Variants in GABRB1 observed in about 807,000 individuals in gnomAD.
GABRB1 encodes gamma-aminobutyric acid receptor subunit beta-1.
Under a neutral mutation model 51.6 loss-of-function variants are expected in GABRB1, and 17 were observed. That is an observed-to-expected ratio of 0.33 (90% CI 0.23 to 0.49). The LOEUF (loss-of-function observed/expected upper bound fraction) is 0.49, where lower values mean the gene tolerates loss of function less well. Ranked by LOEUF, GABRB1 falls within the 20% of genes least tolerant of loss-of-function variation. The pLI is 0.99. For missense variants in GABRB1, 410 were observed against 600.6 expected (o/e 0.68, Z 3.32); for synonymous variants, 247 against 218.9 (o/e 1.13, Z -1.14).
intron 5 of GABRB1, among the ~76,000 whole-genome samples, chr4:47,342,061 G>A (rs567919234): frequency 2.4e-4 from 36 of 152,146 alleles, no homozygotes; most frequent in Non-Finnish European, 4.3e-4. Flanking sequence ...CTTAGAAGTG[G>A]ACTAGTGTGC....
At chr4:47,142,303 T>C (rs778864322) in intron 3 of GABRB1, among the ~76,000 whole-genome samples, 17 of 151,904 alleles carry the variant, frequency 1.1e-4, no homozygotes, top group Non-Finnish European at 2.2e-4. Context: ...CCAAAATATG[T>C]ATTTTGAAAG....
At chr4:47,020,198 A>T (rs1270887844) in intron 1 of GABRB1, among the ~76,000 whole-genome samples, 3 of 152,026 alleles carry the variant, frequency 2.0e-5, no homozygotes. Flanking sequence ...TCCTCTTTTT[A>T]TAAAGACATC....
At chr4:47,389,381 A>G (rs982766265) in intron 5 of GABRB1, among the ~76,000 whole-genome samples, 1 of 152,170 alleles carries the variant, frequency 6.6e-6, no homozygotes, top group Non-Finnish European at 1.5e-5. Flanking sequence ...TTCATTTGCA[A>G]GCGGGCTGCC....
chr4:47,210,503 T>C (rs1398154297), intron 4 of GABRB1, among the ~76,000 whole-genome samples: 1 of 152,194 alleles, frequency 6.6e-6, no homozygotes, highest in African/African-American at 2.4e-5. Flanking sequence ...TAACTATTTT[T>C]ACATCGTGGC....
At chr4:47,302,048 G>A (rs1015041339) in intron 4 of GABRB1, among the ~76,000 whole-genome samples, 1 of 152,068 alleles carries the variant, frequency 6.6e-6, no homozygotes, top group Non-Finnish European at 1.5e-5. Context: ...AAGAAATGTA[G>A]AGTGTTTATA....
intron 4 of GABRB1, among the ~76,000 whole-genome samples, chr4:47,310,800 T>C (rs891835566): frequency 1.3e-5 from 2 of 152,170 alleles, no homozygotes; most frequent in African/African-American, 4.8e-5. Context: ...AAGATGTCCA[T>C]GTCCTAAATT....
intron 4 of GABRB1, among the ~76,000 whole-genome samples, chr4:47,305,939 G>A (rs923406697): frequency 2.0e-5 from 3 of 152,056 alleles, no homozygotes; most frequent in African/African-American, 7.2e-5. Context: ...TTAAATATCA[G>A]AAAGGTAATG....
chr4:47,324,339 C>G (rs1469945082), intron 5 of GABRB1, among the ~76,000 whole-genome samples: 1 of 152,088 alleles, frequency 6.6e-6, no homozygotes, highest in Admixed American at 6.6e-5. Flanking sequence ...TTGATTATCT[C>G]TAGTCCACAC....
intron 5 of GABRB1, among the ~76,000 whole-genome samples, chr4:47,335,953 G>A (rs552836602): frequency 2.0e-5 from 3 of 151,976 alleles, no homozygotes; most frequent in African/African-American, 7.3e-5. Context: ...TGAGACTTAT[G>A]CATTACTCTG....
At chr4:47,171,967 T>C (rs971274916) in intron 4 of GABRB1, among the ~76,000 whole-genome samples, 1 of 152,162 alleles carries the variant, frequency 6.6e-6, no homozygotes, top group African/African-American at 2.4e-5. Flanking sequence ...ATATTTTATG[T>C]ATCAAAGAGT....
At chr4:47,187,486 A>C (rs1018128370) in intron 4 of GABRB1, among the ~76,000 whole-genome samples, 1 of 151,876 alleles carries the variant, frequency 6.6e-6, no homozygotes, top group Non-Finnish European at 1.5e-5. Flanking sequence ...TCTTTCTGAC[A>C]AGGTGGTATA....
intron 5 of GABRB1, among the ~76,000 whole-genome samples, chr4:47,349,262 G>A (rs555223121): frequency 4.6e-5 from 7 of 152,210 alleles, no homozygotes; most frequent in African/African-American, 1.4e-4. Flanking sequence ...TAAGGAAGAT[G>A]GCTTGGGAGG....
At chr4:47,128,072 T>A (rs768984034) in intron 3 of GABRB1, among the ~76,000 whole-genome samples, 12 of 151,448 alleles carry the variant, frequency 7.9e-5, no homozygotes, top group Non-Finnish European at 1.3e-4. Context: ...AGGCAGAGGG[T>A]GTCTGAATAA....
intron 3 of GABRB1, among the ~76,000 whole-genome samples, chr4:47,111,761 AG>A (rs1715222416): frequency 6.6e-6 from 1 of 152,008 alleles, no homozygotes; most frequent in African/African-American, 2.4e-5. Flanking sequence ...ACTACTTGGG[AG>A]GCTGAGGTGG....
At chr4:47,296,572 A>G (rs976490623) in intron 4 of GABRB1, among the ~76,000 whole-genome samples, 6 of 152,226 alleles carry the variant, frequency 3.9e-5, no homozygotes, top group African/African-American at 1.4e-4. Context: ...TCCTAAATAT[A>G]TATGCACCCA....
intron 3 of GABRB1, among the ~76,000 whole-genome samples, chr4:47,064,932 C>T (rs889682997): frequency 3.3e-5 from 5 of 152,138 alleles, no homozygotes; most frequent in Non-Finnish European, 7.3e-5. Flanking sequence ...GATATGAGAA[C>T]AGAGAGGTCT....
chr4:47,398,087 C>A (rs1007316299), intron 5 of GABRB1, among the ~76,000 whole-genome samples: 1 of 152,032 alleles, frequency 6.6e-6, no homozygotes, highest in Non-Finnish European at 1.5e-5. Context: ...TTAAATGTTG[C>A]TTCATATGTG....
chr4:47,361,553 A>G (rs1285906020), intron 5 of GABRB1, among the ~76,000 whole-genome samples: 2 of 152,104 alleles, frequency 1.3e-5, no homozygotes, highest in African/African-American at 4.8e-5. Context: ...GAAATCTGTC[A>G]CCTGGCTGCC....
intron 8 of GABRB1, among the ~76,000 whole-genome samples, 182 bp from the exon 9 acceptor site, chr4:47,425,492 A>AGATAGATAGATG (rs2110070590): frequency 6.8e-6 from 1 of 147,846 alleles, no homozygotes; most frequent in Non-Finnish European, 1.5e-5. Flanking sequence ...ATAGATAGAT[A>AGATAGATAGATG]GATAGATAGA....
Sources: gnomAD v4.1 joint callset for allele counts (sites outside exome capture counted in the v4.1 genomes callset) on GRCh38, gnomAD v4.1.1 for gene constraint, MANE v1.5 for transcripts, NCBI Gene and HGNC (gene_info 2026-07-23, HGNC 2026-07-21) for gene names.